The following EXOC2 variants were observed in gnomAD, a reference collection of about 807,000 sequenced individuals.
EXOC2 encodes SEC5-like 1.
A neutral mutation model predicts 131.8 loss-of-function variants in EXOC2; 70 were observed. The observed-to-expected ratio is 0.53, with a 90% CI of 0.44 to 0.65. The LOEUF is 0.65. Ranked by LOEUF, EXOC2 falls within the 30% of genes least tolerant of loss-of-function variation. EXOC2 has a pLI of 0.00. For missense variants in EXOC2, 923 were observed against 1,108.6 expected (o/e 0.83, Z 2.38); for synonymous variants, 411 against 398.4 (o/e 1.03, Z -0.38).
In EXOC2 at chr6:563,413, C is replaced by G. The variant is rs576668390; in HGVS notation, c.1790-568G>C. Among the ~76,000 whole-genome samples, 8 of 152,314 alleles carry G rather than the reference C, an allele frequency of 5.3e-5. No homozygotes were observed. In the South Asian group the frequency reaches 1.7e-3, roughly 32 times the overall value. On this transcript the variant is annotated intron_variant, in intron 16 of 27. Coordinates refer to ENST00000230449, the MANE Select transcript of EXOC2 (RefSeq NM_018303.6). ...CTTCCCATTTACACAGTATCGCCCA[C>G]CAATTTTGCAGAGATGTAAGCTTCC...
intron 1 of EXOC2, among the ~76,000 whole-genome samples, chr6:683,348 G>C (rs917212357): frequency 6.6e-6 from 1 of 152,208 alleles, no homozygotes; most frequent in Non-Finnish European, 1.5e-5. Context: ...TCAGGAATGA[G>C]AGAGGAACAA....
intron 22 of EXOC2, among the ~76,000 whole-genome samples, chr6:548,741 G>C (rs1161616001): frequency 6.6e-6 from 1 of 152,236 alleles, no homozygotes; most frequent in Non-Finnish European, 1.5e-5. Flanking sequence ...AAGGGAGAGA[G>C]GAAGGAGAGG....
chr6:627,320 A>G (rs927076614), intron 4 of EXOC2, among the ~76,000 whole-genome samples: 2 of 150,248 alleles, frequency 1.3e-5, no homozygotes, highest in Non-Finnish European at 3.0e-5. Context: ...TGGTTTCTAC[A>G]CCTATTCTTA....
intron 1 of EXOC2, among the ~76,000 whole-genome samples, chr6:665,103 C>A (rs1407933391): frequency 6.6e-6 from 1 of 152,014 alleles, no homozygotes; most frequent in African/African-American, 2.4e-5. Context: ...AAAACAATCA[C>A]ATCAAAAAAT....
chr6:638,032 T>C (rs777933230), intron 1 of EXOC2, among the ~76,000 whole-genome samples, 171 bp from the exon 2 acceptor site: 1 of 152,194 alleles, frequency 6.6e-6, no homozygotes, highest in Non-Finnish European at 1.5e-5. Flanking sequence ...GAACATTAAG[T>C]TACTAAGGAC....
chr6:520,666 A>C (rs192600188), intron 23 of EXOC2, among the ~76,000 whole-genome samples: 2 of 66,626 alleles, frequency 3.0e-5, no homozygotes, highest in African/African-American at 6.3e-5. Flanking sequence ...TCGGAGACGA[A>C]AACAACCACC....
At chr6:671,079 G>T in intron 1 of EXOC2, among the ~76,000 whole-genome samples, 1 of 149,224 alleles carries the variant, frequency 6.7e-6, no homozygotes. Flanking sequence ...AATTAAGGCT[G>T]GGCATGGTGG....
rs147502978 is a variant in EXOC2, at chr6:612,790, C to T, written c.662-2612G>A. 5.2e-3 allele frequency among the ~76,000 whole-genome samples: 779 copies of T among 150,016 alleles called. 5 individuals are homozygous for T. Among genetic ancestry groups the T allele is most frequent in the African/African-American group, 0.018 (734 of 41,400 alleles). ...AAGACAGAGCGCAGGGAGGAACATG[C>T]GTAATTTAGTCTGTTTCGGCTTTTT... On this transcript the variant is annotated intron_variant, in intron 6 of 27. Transcript: ENST00000230449.
chr6:671,728 G>A (rs1763880241), intron 1 of EXOC2, among the ~76,000 whole-genome samples: 1 of 152,182 alleles, frequency 6.6e-6, no homozygotes, highest in East Asian at 1.9e-4. Flanking sequence ...CTATGTAGGT[G>A]GGTCTTTTTT....
intron 11 of EXOC2, among the ~76,000 whole-genome samples, chr6:577,379 A>G (rs963393115): frequency 6.6e-6 from 1 of 152,222 alleles, no homozygotes; most frequent in African/African-American, 2.4e-5. Flanking sequence ...TTCATATGCC[A>G]GAAGCCAGAA....
chr6:621,930 G>A (rs1219275232), intron 4 of EXOC2, among the ~76,000 whole-genome samples: 1 of 152,150 alleles, frequency 6.6e-6, no homozygotes, highest in Non-Finnish European at 1.5e-5. Flanking sequence ...CCAAGTTAGA[G>A]CTTTGGGGGA....
intron 10 of EXOC2, among the ~76,000 whole-genome samples, chr6:594,419 C>T (rs576560066): frequency 6.6e-6 from 1 of 152,330 alleles, no homozygotes; most frequent in African/African-American, 2.4e-5. Flanking sequence ...CTCCCAACAC[C>T]TCTGCAACGC....
chr6:507,358 C>CCACACACA (rs59493114), intron 23 of EXOC2, among the ~76,000 whole-genome samples: 2 of 131,336 alleles, frequency 1.5e-5, no homozygotes, highest in African/African-American at 5.8e-5. Flanking sequence ...AGCAGTGACC[C>CCACACACA]CACACACACA....
At chr6:634,814 C>G (rs1762022760) in intron 2 of EXOC2, among the ~76,000 whole-genome samples, 1 of 151,972 alleles carries the variant, frequency 6.6e-6, no homozygotes. Context: ...ATGGGCATGT[C>G]TTTGATATTT....
At chr6:493,179 A>G (rs1215045092) in intron 25 of EXOC2, among the ~76,000 whole-genome samples, 1 of 152,232 alleles carries the variant, frequency 6.6e-6, no homozygotes, top group Non-Finnish European at 1.5e-5. Context: ...GAAATTCTGT[A>G]AGCCATCTAG....
chr6:546,008 T>C (rs1756832275), intron 22 of EXOC2, among the ~76,000 whole-genome samples: 1 of 152,174 alleles, frequency 6.6e-6, no homozygotes, highest in South Asian at 2.1e-4. Flanking sequence ...CTTTTCACCA[T>C]GTTTCATATT....
chr6:494,344 C>A (rs1763598492), intron 25 of EXOC2, among the ~76,000 whole-genome samples: 1 of 152,196 alleles, frequency 6.6e-6, no homozygotes, highest in African/African-American at 2.4e-5. Flanking sequence ...AGTAACACAG[C>A]CTCACATGAC....
chr6:518,164 G>A lies in EXOC2; in HGVS notation c.2380+14305C>T, dbSNP rs532043245. Among the ~76,000 whole-genome samples the A allele has an allele frequency of 5.3e-5, 8 of 152,188 alleles. No homozygotes were observed. In the South Asian group the frequency reaches 6.2e-4, roughly 12 times the overall value. On this transcript the variant is annotated intron_variant, in intron 23 of 27. Transcript: ENST00000230449. ...GATCTCATAATGGTATTATGATTAC[G>A]TTTCTTTAAAAAAAATCAGTCCTTA...
intron 1 of EXOC2, among the ~76,000 whole-genome samples, chr6:644,540 A>T (rs1050348625): frequency 2.6e-5 from 4 of 152,116 alleles, no homozygotes; most frequent in African/African-American, 9.7e-5. Context: ...AAGCAGAAAG[A>T]TGGCAAAGGA....
Sources: allele counts gnomAD v4.1 joint callset (sites outside exome capture counted in the v4.1 genomes callset), GRCh38; gene constraint gnomAD v4.1.1; transcripts MANE v1.5; gene names NCBI Gene and HGNC (gene_info 2026-07-23, HGNC 2026-07-21).